The following ZMYND19 variants were observed in gnomAD, a reference collection of about 807,000 sequenced individuals.
ZMYND19 encodes the protein zinc finger MYND domain-containing protein 19.
ZMYND19 carries 17 observed loss-of-function variants against 32.0 expected under a neutral mutation model. The ratio of observed to expected loss-of-function variants is 0.53; its 90% CI spans 0.36 to 0.80. ZMYND19 has a LOEUF of 0.80. ZMYND19 is among the 30% of genes least tolerant of loss of function. The probability of loss-of-function intolerance (pLI) is 0.00; values close to 1 mark genes in which losing one functional copy is unlikely to be tolerated. For missense variants in ZMYND19, 250 were observed against 293.6 expected (o/e 0.85, Z 1.09); for synonymous variants, 124 against 113.6 (o/e 1.09, Z -0.58).
intron 4 of ZMYND19, among the ~76,000 whole-genome samples, chr9:137,583,521 T>C: frequency 6.6e-6 from 1 of 152,158 alleles, no homozygotes; most frequent in East Asian, 1.9e-4. Flanking sequence ...GTCGGTCCAC[T>C]TCCCCTTCCA....
rs759171181 is a variant in ZMYND19 at position 137,583,120 on chromosome 9, C to T, written c.403G>A (p.Asp135Asn). ...ACAGGAAACTGTTCTTCTATAGGGT[C>T]TGTAGGCAGCTGCTGAATTGCAAGC... ...YWLAIQQLPT[D>N]PIEEQFPVLN... is the part of the protein sequence containing the mutation. Residue 135 changes from aspartate (D) to asparagine (N), a missense_variant, in exon 5 of 6, where the codon GAC (aspartate) becomes AAC (asparagine). By Grantham distance (23) the Asp-to-Asn change is conservative. Coordinates refer to ENST00000298585, the MANE Select transcript of ZMYND19 (RefSeq NM_138462.3). 1 of 1,614,094 alleles carries T rather than the reference C, an allele frequency of 6.2e-7. No individual in the cohort carries two copies. Among genetic ancestry groups the T allele is most frequent in the East Asian group, 2.2e-5 (1 of 44,878 alleles).
chr9:137,590,283 G>T lies in ZMYND19; in HGVS notation c.-20C>A. On this transcript the variant is annotated 5_prime_UTR_variant, in exon 1 of 6. Coordinates refer to ENST00000298585, the MANE Select transcript of ZMYND19 (RefSeq NM_138462.3). The surrounding 1 kb of genome is among the most constrained non-coding windows in gnomAD (Gnocchi z 4.2). ...GGTCATGGCCGGGCCTGCGCTCTCG[G>T]CCGGCAGCGCCGCTCCCTCGGGAGG... is the stretch of plus-strand genomic sequence containing the variant. 1 of 1,065,304 alleles carries T rather than the reference G, an allele frequency of 9.4e-7. No homozygotes were observed. 66.0% of individuals were successfully genotyped at this position (1,065,304 alleles called of 1,614,324 possible).
Position 137,587,061 on chromosome 9 carries a change from G to T in ZMYND19, c.265C>A (p.Leu89Ile). Reference protein sequence around the residue: ...GVAPGFQVVHLNAVTVDNRLD... With the variant: ...GVAPGFQVVHINAVTVDNRLD... ...CGATTGTCCACGGTCACAGCGTTGA[G>T]GTGCACCACCTGGAAGCCCGGGGCC... is the stretch of plus-strand genomic sequence containing the variant. The change falls in exon 4 of 6, where the codon CTC becomes ATC. Residue 89 changes from leucine to isoleucine, a missense_variant. This residue lies in a region of ZMYND19 where 212 missense variants were observed against 218.8 expected (regional missense o/e 0.97). Transcript: ENST00000298585. 1 of 1,610,622 alleles carries T rather than the reference G, an allele frequency of 6.2e-7. No individual in the cohort carries two copies.
At chr9:137,589,603 A>T (rs1236626780) in intron 1 of ZMYND19, 1 of 985,280 alleles carries the variant, frequency 1.0e-6, no homozygotes, top group East Asian at 1.1e-4. Context: ...GCCAAGTAAG[A>T]AGAGAAGTCG....
chr9:137,588,532 G>A, intron 2 of ZMYND19, 127 bp downstream of exon 2: 3 of 1,062,222 alleles, frequency 2.8e-6, no homozygotes, highest in East Asian at 4.8e-5. Flanking sequence ...AGGGCTCACA[G>A]GCCAGCACCA....
Position 137,587,114 on chromosome 9 carries a change from A to G in ZMYND19, c.219-7T>C. 6.2e-7 allele frequency: 1 copy of G among 1,602,324 alleles called. No individual in the cohort carries two copies. The highest frequency in any genetic ancestry group is 8.5e-7 in the Non-Finnish European group (1 of 1,179,854). ...GCCCCCCCGGTGCCGCTCCCTAGAA[A>G]CAGACAGCAAACCCTGCATCTAACC... On this transcript the variant is annotated splice_polypyrimidine_tract_variant and splice_region_variant and intron_variant, in intron 3 of 5. Transcript: ENST00000298585.
intron 2 of ZMYND19, 138 bp from the exon 3 acceptor site, chr9:137,587,961 G>T: frequency 1.2e-6 from 1 of 837,984 alleles, no homozygotes; most frequent in Non-Finnish European, 2.0e-6. Flanking sequence ...CCTGGGGAGT[G>T]CAGAGCTTCC....
chr9:137,585,721 T>C (rs1035805951), intron 4 of ZMYND19, among the ~76,000 whole-genome samples: 3 of 152,038 alleles, frequency 2.0e-5, no homozygotes, highest in African/African-American at 4.8e-5. Context: ...CACCAACCAG[T>C]GTGTCAGGTG....
At chr9:137,589,891 T>C (rs1196250489) in intron 1 of ZMYND19, 6 of 985,154 alleles carry the variant, frequency 6.1e-6, no homozygotes, top group Non-Finnish European at 2.4e-6. Flanking sequence ...CTGGGAGGGC[T>C]CCGGGAGAAC....
At position 137,590,358 on chromosome 9, in the gene ZMYND19, ACCGGAG is replaced by A. The variant is rs1457322834; in HGVS notation, c.-101_-96del. The A allele has an allele frequency of 1.3e-5, 11 of 835,246 alleles. No homozygotes were observed. Among genetic ancestry groups the A allele is most frequent in the Non-Finnish European group, 1.6e-5 (11 of 692,174 alleles). 51.7% of individuals were successfully genotyped at this position (835,246 alleles called of 1,614,324 possible). On this transcript the variant is annotated 5_prime_UTR_variant, in exon 1 of 6. Coordinates refer to ENST00000298585, the MANE Select transcript of ZMYND19 (RefSeq NM_138462.3). This position sits in a 1 kb window ranked among gnomAD's most constrained non-coding sequence, Gnocchi z 4.2. ...CCGCGGCGCGCCGGGACAGGACGGGACCGGAGCCGGGGTCGGGGTAGCAGCCAGGCG... is the reference window on the plus strand; with the variant it reads ...CCGCGGCGCGCCGGGACAGGACGGGACCGGGGTCGGGGTAGCAGCCAGGCG...
chr9:137,585,753 C>T (rs183917149), intron 4 of ZMYND19, among the ~76,000 whole-genome samples: 2 of 152,328 alleles, frequency 1.3e-5, no homozygotes, highest in Non-Finnish European at 2.9e-5. Context: ...TCCACCTCGG[C>T]TGCCCAGGGC....
At chr9:137,582,748 T>C (rs1441603996) in intron 5 of ZMYND19, 62 bp from the exon 6 acceptor site, 1 of 1,584,010 alleles carries the variant, frequency 6.3e-7, no homozygotes, top group East Asian at 2.2e-5. Context: ...GGGCAAAGGC[T>C]GCGTCTTACG....
rs892357401 is a variant in ZMYND19, at chr9:137,582,538, G to A, written c.*5C>T. 1 of 1,611,240 alleles carries A rather than the reference G, an allele frequency of 6.2e-7. No homozygotes were observed. The highest frequency in any genetic ancestry group is 8.5e-7 in the Non-Finnish European group (1 of 1,179,714). ...GGCTGTGAGTATGTGTGGCTCCCCT[G>A]CCCGTCATCGCTCTGGCTCAAGCTC... On this transcript the variant is annotated 3_prime_UTR_variant, in exon 6 of 6. Coordinates refer to ENST00000298585, the MANE Select transcript of ZMYND19 (RefSeq NM_138462.3).
intron 1 of ZMYND19, chr9:137,589,783 T>C (rs902909179): frequency 4.5e-5 from 44 of 985,038 alleles, no homozygotes; most frequent in Non-Finnish European, 5.1e-5. Flanking sequence ...CGGCGAGAGG[T>C]GTGGAAGTGG....
chr9:137,582,959 G>A (rs765769542), intron 5 of ZMYND19, 24 bp downstream of exon 5: 28 of 1,611,396 alleles, frequency 1.7e-5, no homozygotes, highest in African/African-American at 4.0e-5. Context: ...TGCCAGGGAC[G>A]CGACCGCACT....
chr9:137,587,544 CA>C (rs1842219668), intron 3 of ZMYND19, 172 bp downstream of exon 3: 1 of 652,818 alleles, frequency 1.5e-6, no homozygotes, highest in Admixed American at 2.8e-5. Flanking sequence ...TGAAGTGCAA[CA>C]TACAAATCAT....
chr9:137,583,031 G>C lies in ZMYND19; in HGVS notation c.492C>G (p.Cys164Trp), dbSNP rs749426760. 1 of 1,614,220 alleles carries C rather than the reference G, an allele frequency of 6.2e-7. No homozygotes were observed. The highest frequency in any genetic ancestry group is 1.7e-5 in the Admixed American group (1 of 60,032). ...GAGGGTAGTGGCACTCATAGTAGGT[G>C]CAAGAGTTCTCCTCCTCTTCCACTA... Reference protein sequence around the residue: ...GDVVEEEENSCTYYECHYPPC... With the variant: ...GDVVEEEENSWTYYECHYPPC... Residue 164 changes from cysteine (C) to tryptophan (W), a missense_variant, in exon 5 of 6, where the codon TGC (cysteine) becomes TGG (tryptophan). Transcript: ENST00000298585.
chr9:137,583,212 A>T (rs1842167495), intron 4 of ZMYND19, 49 bp from the exon 5 acceptor site: 1 of 1,590,042 alleles, frequency 6.3e-7, no homozygotes, highest in Admixed American at 1.7e-5. Flanking sequence ...AAACGGGGCC[A>T]GCACACAGCA....
intron 4 of ZMYND19, 90 bp from the exon 5 acceptor site, chr9:137,583,253 C>G (rs896144388): frequency 7.0e-7 from 1 of 1,429,790 alleles, no homozygotes; most frequent in Admixed American, 2.0e-5. Flanking sequence ...GAGTGCCATC[C>G]TGCCCAGGAC....
Sources: allele counts gnomAD v4.1 joint callset (sites outside exome capture counted in the v4.1 genomes callset), GRCh38; gene constraint gnomAD v4.1.1; regional missense constraint gnomAD v4.1.1; non-coding constraint Gnocchi (gnomAD v3.1); transcripts MANE v1.5; gene names NCBI Gene and HGNC (gene_info 2026-07-23, HGNC 2026-07-21).